TNFAIP8L3: variants seen among roughly 807,000 people sequenced by gnomAD.
TNFAIP8L3 encodes TNF alpha induced protein 8 like 3, also known as tumor necrosis factor alpha-induced protein 8-like protein 3.
In TNFAIP8L3, 7 loss-of-function variants were observed where a neutral mutation model predicts 11.8. That is an observed-to-expected ratio of 0.59 (90% CI 0.34 to 1.11). TNFAIP8L3 has a LOEUF of 1.11. Ranked by LOEUF, TNFAIP8L3 falls within the 50% of genes most tolerant of loss-of-function variation. TNFAIP8L3 has a pLI of 0.03. For synonymous variants in TNFAIP8L3, 98 were observed against 103.8 expected (o/e 0.94, Z 0.34); for missense variants, 219 against 258.6 (o/e 0.85, Z 1.05).
At chr15:51,059,990 T>C (rs2065232388) in intron 1 of TNFAIP8L3, among the ~76,000 whole-genome samples, 1 of 152,206 alleles carries the variant, frequency 6.6e-6, no homozygotes, top group Non-Finnish European at 1.5e-5. Flanking sequence ...TTAAGCAACT[T>C]CACACCCAAG....
At chr15:51,083,015 T>A (rs78728906) in intron 1 of TNFAIP8L3, among the ~76,000 whole-genome samples, 7,355 of 152,268 alleles carry the variant, frequency 0.048, 590 homozygotes, top group African/African-American at 0.17. Context: ...GAATACCAAC[T>A]ATTAAGGGTG....
chr15:51,070,994 T>G (rs1207841779), intron 1 of TNFAIP8L3, among the ~76,000 whole-genome samples: 1 of 126,240 alleles, frequency 7.9e-6, no homozygotes, highest in East Asian at 2.3e-4. Context: ...GAGCTTGCAG[T>G]GAGCCGAGAT....
intron 1 of TNFAIP8L3, among the ~76,000 whole-genome samples, chr15:51,068,336 AC>A (rs907487546): frequency 2.0e-5 from 3 of 152,110 alleles, no homozygotes; most frequent in Non-Finnish European, 4.4e-5. Flanking sequence ...AGTTCCAGGT[AC>A]CCATGGGGCA....
rs545969364 is a variant in TNFAIP8L3, at chr15:51,105,134, G to A, written c.43C>T (p.Leu15Phe). Residue 15 changes from leucine to phenylalanine, a missense_variant, in exon 1 of 3, where the codon CTC becomes TTC. By Grantham distance (22) the Leu-to-Phe change is conservative. Transcript: ENST00000327536. ...TTCCCCTTTGGCTCTGCCTCACAGA[G>A]TGTGGAAACCAGTGTGCTTGGGTTT... is the stretch of plus-strand genomic sequence containing the variant. 5.0e-6 allele frequency: 8 copies of A among 1,614,148 alleles called. No homozygotes were observed. The African/African-American group carries it at 5.3e-5, about 11-fold the overall frequency.
intron 1 of TNFAIP8L3, among the ~76,000 whole-genome samples, chr15:51,085,430 A>G (rs1393556406): frequency 1.3e-5 from 2 of 152,156 alleles, no homozygotes; most frequent in Non-Finnish European, 2.9e-5. Flanking sequence ...ACCCAAGGGA[A>G]GGAGGCCCCT....
intron 1 of TNFAIP8L3, among the ~76,000 whole-genome samples, chr15:51,092,366 T>C (rs983448635): frequency 2.0e-5 from 3 of 152,250 alleles, no homozygotes; most frequent in Non-Finnish European, 4.4e-5. Context: ...ACACCTGTTA[T>C]CTAACCTGTA....
chr15:51,100,334 G>A (rs555167642), intron 1 of TNFAIP8L3, among the ~76,000 whole-genome samples: 5 of 152,058 alleles, frequency 3.3e-5, no homozygotes, highest in African/African-American at 1.2e-4. Context: ...CTAGGAAGGA[G>A]GTATCCAGTG....
At chr15:51,084,404 T>C (rs2065412979) in intron 1 of TNFAIP8L3, among the ~76,000 whole-genome samples, 2 of 152,232 alleles carry the variant, frequency 1.3e-5, no homozygotes, top group South Asian at 4.1e-4. Context: ...TGACTGAATA[T>C]TCAAGTTGTT....
intron 1 of TNFAIP8L3, among the ~76,000 whole-genome samples, chr15:51,087,642 A>G (rs909444940): frequency 1.3e-5 from 2 of 152,052 alleles, no homozygotes; most frequent in Non-Finnish European, 2.9e-5. Flanking sequence ...GACACCACCA[A>G]GTGTCTCCTT....
rs202239130 is a variant in TNFAIP8L3 at position 51,058,150 on chromosome 15, C to T, written c.346G>A (p.Ala116Thr). 18 of 1,614,098 alleles carry T rather than the reference C, an allele frequency of 1.1e-5. No individual in the cohort carries two copies. Among genetic ancestry groups the T allele is most frequent in the Non-Finnish European group, 1.3e-5 (15 of 1,180,046 alleles). The part of the protein sequence containing the change: ...EKFRKKLNQT[A>T]MTIVSFYEVE... ...TCATAGAAGCTGACAATGGTCATGG[C>T]GGTCTGGTTCAGCTTCTTCCGGAAC... Residue 116 changes from alanine (A) to threonine (T), a missense_variant, in exon 2 of 2, where the codon GCC becomes ACC. Coordinates refer to ENST00000637513, the MANE Select transcript of TNFAIP8L3 (RefSeq NM_001311175.2).
intron 1 of TNFAIP8L3, among the ~76,000 whole-genome samples, chr15:51,093,883 A>C (rs769642019): frequency 6.6e-6 from 1 of 152,130 alleles, no homozygotes; most frequent in African/African-American, 2.4e-5. Flanking sequence ...TGCTTTAATA[A>C]CTATCGATTG....
chr15:51,057,609 A>G lies in TNFAIP8L3; in HGVS notation c.*272T>C. ...CCACTCCATGAGATGAACAGCACTCACTGTAATGAACAAAACAGCCTTTCT... is the reference window on the plus strand; with the variant it reads ...CCACTCCATGAGATGAACAGCACTCGCTGTAATGAACAAAACAGCCTTTCT... On this transcript the variant is annotated 3_prime_UTR_variant, in exon 2 of 2. Coordinates refer to ENST00000637513, the MANE Select transcript of TNFAIP8L3 (RefSeq NM_001311175.2). The G allele has an allele frequency of 3.0e-6, 1 of 330,676 alleles. No homozygotes were observed. The highest frequency in any genetic ancestry group is 5.5e-6 in the Non-Finnish European group (1 of 180,710). The allele number at this position is 330,676 out of a possible 1,614,324, so 20.5% of individuals were successfully genotyped here.
rs112142242 is a variant in TNFAIP8L3, at chr15:51,104,068, T to C, written c.172+937A>G. On this transcript the variant is annotated intron_variant, in intron 1 of 2. Transcript: ENST00000327536. ...GTCTTTCCAACAATCACATCTCCAT[T>C]GTACTGAAGGTGCCAGCAGCCTCCC... Among the ~76,000 whole-genome samples the C allele has an allele frequency of 4.0e-3, 613 of 152,282 alleles. 1 individual carries two copies. The highest frequency in any genetic ancestry group is 0.014 in the African/African-American group (587 of 41,546).
chr15:51,098,301 G>C (rs1379373971), upstream of TNFAIP8L3, among the ~76,000 whole-genome samples: 2 of 152,186 alleles, frequency 1.3e-5, no homozygotes, highest in African/African-American at 4.8e-5. Context: ...CTTTTCACAC[G>C]CTAGGACTGC....
intron 1 of TNFAIP8L3, among the ~76,000 whole-genome samples, chr15:51,100,039 A>T (rs1165323929): frequency 6.6e-6 from 1 of 152,254 alleles, no homozygotes; most frequent in Admixed American, 6.5e-5. Flanking sequence ...AGCAGCCAAC[A>T]TGGGTTCCTT....
intron 1 of TNFAIP8L3, among the ~76,000 whole-genome samples, chr15:51,065,768 T>G (rs1040163294): frequency 6.6e-6 from 1 of 152,218 alleles, no homozygotes; most frequent in Non-Finnish European, 1.5e-5. Flanking sequence ...GTCAAAATTA[T>G]AAAATGGGAA....
chr15:51,072,119 T>C (rs1277925924), intron 1 of TNFAIP8L3, among the ~76,000 whole-genome samples: 2 of 152,200 alleles, frequency 1.3e-5, no homozygotes, highest in Non-Finnish European at 2.9e-5. Flanking sequence ...TTTAACTTTA[T>C]TATGGTGTCT....
At chr15:51,079,385 C>G (rs1038249799) in intron 1 of TNFAIP8L3, among the ~76,000 whole-genome samples, 5 of 152,260 alleles carry the variant, frequency 3.3e-5, no homozygotes, top group African/African-American at 1.2e-4. Flanking sequence ...TTATCACCCA[C>G]TGGTCTGTGA....
At chr15:51,076,721 G>A (rs765894178) in intron 1 of TNFAIP8L3, among the ~76,000 whole-genome samples, 2 of 152,116 alleles carry the variant, frequency 1.3e-5, no homozygotes, top group African/African-American at 4.8e-5. Flanking sequence ...GGAAGTGGAA[G>A]ACAGAGCCCG....
Sources: allele counts gnomAD v4.1 joint callset (sites outside exome capture counted in the v4.1 genomes callset), GRCh38; gene constraint gnomAD v4.1.1; transcripts MANE v1.5; gene names NCBI Gene and HGNC (gene_info 2026-07-23, HGNC 2026-07-21).